SPINK1: variants seen among roughly 807,000 people sequenced by gnomAD.
SPINK1 encodes serine protease inhibitor Kazal-type 1.
A neutral mutation model predicts 9.5 loss-of-function variants in SPINK1; 5 were observed. That is an observed-to-expected ratio of 0.52 (90% confidence interval 0.27 to 1.10). The LOEUF (loss-of-function observed/expected upper bound fraction) is 1.10, where lower values mean the gene tolerates loss of function less well. Among genes scored for constraint, SPINK1 ranks in the 50% least tolerant of loss-of-function variants. SPINK1 has a pLI of 0.11. For synonymous variants in SPINK1, 37 were observed against 32.3 expected (o/e 1.14, Z -0.49); for missense variants, 88 against 92.7 (o/e 0.95, Z 0.21).
rs181720079 is a variant in SPINK1, at chr5:147,826,722, A to G, written c.194+1300T>C. ...AATTATGGAAACAGATTTATTACAA[A>G]GTAGAATACCTAATGTTTTGGGTCT... On this transcript the variant is annotated intron_variant, in intron 3 of 3. Transcript: ENST00000296695. Among the ~76,000 whole-genome samples the G allele has an allele frequency of 5.3e-5, 8 of 152,314 alleles. No homozygotes were observed. The East Asian group carries it at 1.5e-3, about 29-fold the overall frequency.
At chr5:147,828,693 ACCT>A (rs1383262823) in intron 2 of SPINK1, among the ~76,000 whole-genome samples, 2 of 152,014 alleles carry the variant, frequency 1.3e-5, no homozygotes, top group Non-Finnish European at 2.9e-5. Flanking sequence ...TTCTGTTTAA[ACCT>A]CCTAACTATC....
At position 147,831,585 on chromosome 5, in the gene SPINK1, G is replaced by A. The variant is rs765154907; in HGVS notation, c.-8C>T. 12 of 1,613,364 alleles carry A rather than the reference G, an allele frequency of 7.4e-6. No homozygotes were observed. Among genetic ancestry groups the A allele is most frequent in the Non-Finnish European group, 8.5e-7 (1 of 1,179,784 alleles). ...GATGCCTGTTACCTTCATGGCTGAA[G>A]TTCTGCGTCCAGAGGTCAGTTGAAA... On this transcript the variant is annotated 5_prime_UTR_variant, in exon 1 of 4. Transcript: ENST00000296695.
chr5:147,829,116 C>T (rs1466412242), intron 2 of SPINK1, among the ~76,000 whole-genome samples: 1 of 152,140 alleles, frequency 6.6e-6, no homozygotes, highest in African/African-American at 2.4e-5. Flanking sequence ...TCCAAATTTA[C>T]TGAAATTACC....
chr5:147,831,864 A>C, upstream of SPINK1: 3 of 1,255,964 alleles, frequency 2.4e-6, no homozygotes, highest in South Asian at 1.7e-5. Flanking sequence ...TTGATCCCTA[A>C]CTCCCTCTGT....
At chr5:147,839,162 T>C in the SPINK1 span, among the ~76,000 whole-genome samples, 1 of 152,164 alleles carries the variant, frequency 6.6e-6, no homozygotes, top group East Asian at 1.9e-4. Flanking sequence ...AGCAAACACA[T>C]CCTTCTTCAC....
At chr5:147,828,405 C>A (rs964549704) in intron 2 of SPINK1, among the ~76,000 whole-genome samples, 9 of 152,178 alleles carry the variant, frequency 5.9e-5, no homozygotes, top group Non-Finnish European at 1.2e-4. Flanking sequence ...CCATTTCCCA[C>A]CTATCTCATA....
At chr5:147,830,972 A>G (rs1756498098) in intron 1 of SPINK1, among the ~76,000 whole-genome samples, 2 of 152,224 alleles carry the variant, frequency 1.3e-5, no homozygotes, top group South Asian at 4.1e-4. Flanking sequence ...CCAGATACTA[A>G]TAAGAAATAC....
At chr5:147,834,120 C>G (rs547557680), upstream of SPINK1, among the ~76,000 whole-genome samples, 33 of 152,070 alleles carry the variant, frequency 2.2e-4, no homozygotes, top group Non-Finnish European at 3.8e-4. Context: ...AACTCTATAG[C>G]TATTCATACG....
chr5:147,833,018 G>T (rs1331766596), upstream of SPINK1, among the ~76,000 whole-genome samples: 1 of 152,178 alleles, frequency 6.6e-6, no homozygotes, highest in Non-Finnish European at 1.5e-5. Flanking sequence ...GGATAAGGGT[G>T]CTGGAGGGTT....
chr5:147,834,237 T>C (rs1202548021), upstream of SPINK1, among the ~76,000 whole-genome samples: 2 of 152,160 alleles, frequency 1.3e-5, no homozygotes, highest in Non-Finnish European at 2.9e-5. Flanking sequence ...AAATATTTGC[T>C]AAAAACATAA....
In SPINK1 at chr5:147,831,653, G is replaced by C. The variant is rs1437500299; in HGVS notation, c.-76C>G. The C allele has an allele frequency of 3.8e-6, 6 of 1,595,948 alleles. No individual in the cohort carries two copies. The East Asian group carries it at 1.4e-4, about 37-fold the overall frequency. ...ACGTCTCTTCAGAAGCCTGGGACTG[G>C]AAGGGTCATATGGCAGATGGCAGCA... On this transcript the variant is annotated 5_prime_UTR_variant, in exon 1 of 4. Coordinates refer to ENST00000296695, the MANE Select transcript of SPINK1 (RefSeq NM_001379610.1).
At chr5:147,838,519 C>T in the SPINK1 span, among the ~76,000 whole-genome samples, 1 of 152,078 alleles carries the variant, frequency 6.6e-6, no homozygotes, top group African/African-American at 2.4e-5. Context: ...TTTACTTTTT[C>T]TCACTTTTCT....
intron 1 of SPINK1, 68 bp downstream of exon 1, chr5:147,831,455 A>T: frequency 1.9e-6 from 3 of 1,594,198 alleles, no homozygotes; most frequent in Non-Finnish European, 2.6e-6. Flanking sequence ...AGTCTAGAAG[A>T]TAATGTGCTT....
chr5:147,829,527 C>T, intron 2 of SPINK1, 72 bp downstream of exon 2: 1 of 1,459,620 alleles, frequency 6.9e-7, no homozygotes, highest in East Asian at 2.3e-5. Context: ...TGAAAGGTGA[C>T]AGCAAGGCTG....
At chr5:147,831,854 T>C, upstream of SPINK1, 1 of 1,305,090 alleles carries the variant, frequency 7.7e-7, no homozygotes, top group Non-Finnish European at 9.9e-7. Context: ...AGTGGTTAGT[T>C]TGATCCCTAA....
chr5:147,824,710 C>A lies in SPINK1; in HGVS notation c.195-4G>T, dbSNP rs748585836. 5 of 1,613,604 alleles carry A rather than the reference C, an allele frequency of 3.1e-6. No individual in the cohort carries two copies. Among genetic ancestry groups the A allele is most frequent in the Non-Finnish European group, 4.2e-6 (5 of 1,179,870 alleles). On this transcript the variant is annotated splice_region_variant and splice_polypyrimidine_tract_variant and intron_variant, in intron 3 of 3. Coordinates refer to ENST00000296695, the MANE Select transcript of SPINK1 (RefSeq NM_001379610.1). ...GAGGATAGAAGTCTGGCGTTTCCTG[C>A]AGTAGAGATTAAAAAAAATATATCA...
chr5:147,837,609 A>C, the SPINK1 span, among the ~76,000 whole-genome samples: 1 of 151,286 alleles, frequency 6.6e-6, no homozygotes, highest in Non-Finnish European at 1.5e-5. Context: ...TGTATGTTCA[A>C]TTTATAGGAA....
intron 3 of SPINK1, among the ~76,000 whole-genome samples, chr5:147,826,462 C>T (rs1020793816): frequency 6.6e-6 from 1 of 152,148 alleles, no homozygotes; most frequent in Non-Finnish European, 1.5e-5. Context: ...AAAGAATAAG[C>T]AGAAACTCGG....
chr5:147,832,810 A>G (rs754484376), upstream of SPINK1, among the ~76,000 whole-genome samples: 4 of 152,182 alleles, frequency 2.6e-5, no homozygotes, highest in Non-Finnish European at 4.4e-5. Flanking sequence ...CTTAGCTTCC[A>G]AGTAGGATAA....
Sources: allele counts gnomAD v4.1 joint callset (sites outside exome capture counted in the v4.1 genomes callset), GRCh38; gene constraint gnomAD v4.1.1; transcripts MANE v1.5; gene names NCBI Gene and HGNC (gene_info 2026-07-23, HGNC 2026-07-21).